PCSK2: variants seen among roughly 807,000 people sequenced by gnomAD.
PCSK2 encodes proprotein convertase subtilisin/kexin type 2.
PCSK2 carries 14 observed loss-of-function variants against 69.7 expected under a neutral mutation model. The ratio of observed to expected loss-of-function variants is 0.20; its 90% confidence interval spans 0.13 to 0.31. PCSK2 has a LOEUF of 0.31. Among genes scored for constraint, PCSK2 ranks in the 10% least tolerant of loss-of-function variants. PCSK2 has a pLI of 1.00. For synonymous variants in PCSK2, 307 were observed against 320.7 expected, an observed-to-expected ratio of 0.96 and a Z score of 0.46; for missense variants, 544 against 842.5, an observed-to-expected ratio of 0.65 and a Z score of 4.39.
intron 5 of PCSK2, among the ~76,000 whole-genome samples, chr20:17,406,039 T>C (rs1555793613): frequency 6.6e-6 from 1 of 152,168 alleles, no homozygotes; most frequent in Non-Finnish European, 1.5e-5. Context: ...AGGATTTCAG[T>C]AAAAAGTTAG....
At chr20:17,436,320 C>A (rs1225213508) in intron 7 of PCSK2, among the ~76,000 whole-genome samples, 1 of 152,154 alleles carries the variant, frequency 6.6e-6, no homozygotes, top group Non-Finnish European at 1.5e-5. Flanking sequence ...CCTCCCCCAT[C>A]TATCATATGT....
intron 6 of PCSK2, among the ~76,000 whole-genome samples, chr20:17,417,775 C>T (rs1461214549): frequency 6.6e-6 from 1 of 152,070 alleles, no homozygotes; most frequent in African/African-American, 2.4e-5. Context: ...ATGTTTTCTT[C>T]AGTATTACTT....
At chr20:17,235,346 T>C (rs1986299556) in intron 1 of PCSK2, among the ~76,000 whole-genome samples, 1 of 152,146 alleles carries the variant, frequency 6.6e-6, no homozygotes, top group Non-Finnish European at 1.5e-5. Flanking sequence ...GGGAGAAAAC[T>C]GTAGGATCCT....
intron 2 of PCSK2, among the ~76,000 whole-genome samples, chr20:17,352,239 T>C (rs1322192374): frequency 2.6e-5 from 4 of 152,222 alleles, no homozygotes; most frequent in South Asian, 2.1e-4. Context: ...TGCTCATGGA[T>C]TGGAAGAATC....
chr20:17,342,859 T>C (rs1416331208), intron 2 of PCSK2, among the ~76,000 whole-genome samples: 1 of 151,888 alleles, frequency 6.6e-6, no homozygotes, highest in Non-Finnish European at 1.5e-5. Flanking sequence ...TCTTGCTATA[T>C]TGCCCAGGCT....
intron 2 of PCSK2, among the ~76,000 whole-genome samples, chr20:17,314,881 A>G (rs892866522): frequency 1.3e-5 from 2 of 152,134 alleles, no homozygotes; most frequent in East Asian, 1.9e-4. Flanking sequence ...GCTGTGTCTA[A>G]TGTTATTTTT....
intron 2 of PCSK2, among the ~76,000 whole-genome samples, chr20:17,304,775 T>A (rs1186131049): frequency 6.6e-6 from 1 of 152,182 alleles, no homozygotes; most frequent in East Asian, 1.9e-4. Context: ...AAAATGCAGA[T>A]AATAATAGAT....
rs115902902 is a variant in PCSK2 at position 17,463,179 on chromosome 20, A to G, written c.1203-2147A>G. 4.6e-3 allele frequency among the ~76,000 whole-genome samples: 694 copies of G among 152,334 alleles called. 6 individuals carry two copies. The highest frequency in any genetic ancestry group is 0.016 in the African/African-American group (675 of 41,570). ...ATGCACCCCATGAGAATAAATCTGCAGAGAAACATTTAAGGGAGCCCTTCT... is the reference window on the plus strand; with the variant it reads ...ATGCACCCCATGAGAATAAATCTGCGGAGAAACATTTAAGGGAGCCCTTCT... On this transcript the variant is annotated intron_variant, in intron 10 of 11. Coordinates refer to ENST00000262545, the MANE Select transcript of PCSK2 (RefSeq NM_002594.5).
chr20:17,398,122 G>A (rs1470317981), intron 5 of PCSK2, among the ~76,000 whole-genome samples: 1 of 152,152 alleles, frequency 6.6e-6, no homozygotes, highest in African/African-American at 2.4e-5. Flanking sequence ...AAGAGTTTAG[G>A]TGCAAGGGGA....
chr20:17,347,762 C>A (rs1284037439), intron 2 of PCSK2, among the ~76,000 whole-genome samples: 1 of 135,150 alleles, frequency 7.4e-6, no homozygotes, highest in Non-Finnish European at 1.5e-5. Flanking sequence ...TGCTGTGAAC[C>A]TAAAACTGCT....
chr20:17,241,208 A>T (rs1442694486), intron 1 of PCSK2, among the ~76,000 whole-genome samples: 1 of 152,198 alleles, frequency 6.6e-6, no homozygotes, highest in Non-Finnish European at 1.5e-5. Context: ...TTATAATTTC[A>T]AGAGGTTTAA....
intron 4 of PCSK2, among the ~76,000 whole-genome samples, chr20:17,367,690 G>T (rs2030636833): frequency 6.6e-6 from 1 of 152,144 alleles, no homozygotes; most frequent in Non-Finnish European, 1.5e-5. Context: ...TAGAGACAGG[G>T]TCTCACTATG....
intron 2 of PCSK2, among the ~76,000 whole-genome samples, chr20:17,309,805 G>A (rs969077680): frequency 1.2e-4 from 18 of 149,130 alleles, no homozygotes; most frequent in Non-Finnish European, 2.2e-4. Flanking sequence ...GTGACAGAGC[G>A]AGACTCCATC....
At chr20:17,450,170 A>G (rs1023080014) in intron 8 of PCSK2, among the ~76,000 whole-genome samples, 2 of 151,826 alleles carry the variant, frequency 1.3e-5, no homozygotes, top group South Asian at 4.2e-4. Flanking sequence ...CTGGGACTAC[A>G]GGCGCCCGCC....
chr20:17,315,843 G>A (rs563771534), intron 2 of PCSK2, among the ~76,000 whole-genome samples: 2 of 152,288 alleles, frequency 1.3e-5, no homozygotes, highest in Non-Finnish European at 2.9e-5. Context: ...ACCCCCGGCC[G>A]GTGTGAAGCC....
chr20:17,288,682 C>T (rs1443338828), intron 2 of PCSK2, among the ~76,000 whole-genome samples: 2 of 152,186 alleles, frequency 1.3e-5, no homozygotes, highest in African/African-American at 2.4e-5. Context: ...TGGACACAGA[C>T]ACACAGAAGA....
chr20:17,425,198 A>T (rs1043802250), intron 6 of PCSK2, among the ~76,000 whole-genome samples: 9 of 152,192 alleles, frequency 5.9e-5, no homozygotes, highest in Non-Finnish European at 8.8e-5. Context: ...ATATTTTTTT[A>T]AATATTTCAT....
intron 5 of PCSK2, among the ~76,000 whole-genome samples, chr20:17,373,088 G>C (rs2030822430): frequency 6.6e-6 from 1 of 152,156 alleles, no homozygotes; most frequent in South Asian, 2.1e-4. Flanking sequence ...AGAGGTACTT[G>C]GTGGAGTCTT....
chr20:17,411,984 C>T (rs941958049), intron 6 of PCSK2, among the ~76,000 whole-genome samples: 1 of 152,192 alleles, frequency 6.6e-6, no homozygotes, highest in Non-Finnish European at 1.5e-5. Flanking sequence ...ATAGCATCAA[C>T]ATCAACAAAA....
Sources: allele counts gnomAD v4.1 joint callset (sites outside exome capture counted in the v4.1 genomes callset), GRCh38; gene constraint gnomAD v4.1.1; transcripts MANE v1.5; gene names NCBI Gene and HGNC (gene_info 2026-07-23, HGNC 2026-07-21).